Variants in PDZRN3 observed in about 807,000 individuals in gnomAD.
The protein encoded by PDZRN3 is PDZ domain containing ring finger 3, also known as E3 ubiquitin-protein ligase PDZRN3.
PDZRN3 carries 38 observed loss-of-function variants against 85.7 expected under a neutral mutation model. That is an observed-to-expected ratio of 0.44 (90% CI 0.34 to 0.58). The LOEUF (loss-of-function observed/expected upper bound fraction) is 0.58, where lower values mean the gene tolerates loss of function less well. PDZRN3 is among the 20% of genes least tolerant of loss of function. The pLI is 0.01. For missense variants in PDZRN3, 1,629 were observed against 1,506.4 expected, an observed-to-expected ratio of 1.08 and a Z score of -1.35; for synonymous variants, 759 against 638.0, an observed-to-expected ratio of 1.19 and a Z score of -2.86.
Position 73,495,775 on chromosome 3 carries a change from A to G in PDZRN3, c.919-91380T>C, listed in dbSNP as rs571985764. ...ATGATATTGGCAATAGCAAAAATGC[A>G]GTGCCAAAGAAAGTTTATGTAAATG... is the stretch of plus-strand genomic sequence containing the variant. On this transcript the variant is annotated intron_variant, in intron 3 of 9. Coordinates refer to ENST00000263666, the MANE Select transcript of PDZRN3 (RefSeq NM_015009.3). 3.3e-5 allele frequency among the ~76,000 whole-genome samples: 5 copies of G among 152,348 alleles called. No individual in the cohort carries two copies. In the East Asian group the frequency reaches 7.7e-4, roughly 23 times the overall value.
chr3:73,390,866 G>C, intron 6 of PDZRN3, 152 bp downstream of exon 6: 1 of 532,310 alleles, frequency 1.9e-6, no homozygotes, highest in South Asian at 2.9e-5. Context: ...TCCGTGGAAA[G>C]ATGCAGCGCC....
At chr3:73,528,916 A>G (rs200888966) in intron 3 of PDZRN3, among the ~76,000 whole-genome samples, 7 of 151,328 alleles carry the variant, frequency 4.6e-5, no homozygotes, top group East Asian at 1.9e-4. Context: ...ACACACACAC[A>G]CGCACATGCA....
chr3:73,592,426 G>A (rs920124994), intron 3 of PDZRN3, among the ~76,000 whole-genome samples: 3 of 151,902 alleles, frequency 2.0e-5, no homozygotes, highest in South Asian at 2.1e-4. Context: ...GAGTTCTCCC[G>A]ATCCCTGAAA....
intron 3 of PDZRN3, chr3:73,569,448 C>CA: frequency 8.8e-7 from 1 of 1,142,204 alleles, no homozygotes; most frequent in Non-Finnish European, 1.1e-6. Flanking sequence ...TCTCTTAAGC[C>CA]CCGAGGCGTC....
chr3:73,451,098 G>A lies in PDZRN3; in HGVS notation c.919-46703C>T, dbSNP rs540131281. Among the ~76,000 whole-genome samples, 6 of 152,252 alleles carry A rather than the reference G, an allele frequency of 3.9e-5. No homozygotes were observed. In the South Asian group the frequency reaches 1.2e-3, roughly 32 times the overall value. On this transcript the variant is annotated intron_variant, in intron 3 of 9. Transcript: ENST00000263666. ...ACAGTCTTGACATCTCACTTCAGAA[G>A]ACAATGTCAGTGCACTGCTTGCCAG...
chr3:73,521,670 C>T (rs984163123), intron 3 of PDZRN3, among the ~76,000 whole-genome samples: 1 of 152,088 alleles, frequency 6.6e-6, no homozygotes, highest in Non-Finnish European at 1.5e-5. Context: ...TTGCATACTG[C>T]GTTGTAATTA....
At chr3:73,436,588 G>T (rs1702534719) in intron 3 of PDZRN3, among the ~76,000 whole-genome samples, 1 of 151,874 alleles carries the variant, frequency 6.6e-6, no homozygotes, top group African/African-American at 2.4e-5. Flanking sequence ...GTCGAAATGG[G>T]CCTAAGCTAC....
intron 3 of PDZRN3, among the ~76,000 whole-genome samples, chr3:73,459,054 G>T (rs1454259363): frequency 6.6e-6 from 1 of 151,894 alleles, no homozygotes; most frequent in Non-Finnish European, 1.5e-5. Flanking sequence ...TCACAGTTCG[G>T]CATTGCTGGG....
At chr3:73,553,800 C>T (rs1277033480) in intron 3 of PDZRN3, among the ~76,000 whole-genome samples, 1 of 152,138 alleles carries the variant, frequency 6.6e-6, no homozygotes, top group Non-Finnish European at 1.5e-5. Flanking sequence ...CCTACTTCAG[C>T]TCTGGCAAAG....
Position 73,544,908 on chromosome 3 carries a change from C to A in PDZRN3, c.918+57446G>T, listed in dbSNP as rs146185271. The stretch of plus-strand genomic sequence containing the variant: ...GTGAGATTTGATATGAAAACTAAAC[C>A]CAATACTGTGCCTCTTCAAAACCTC... On this transcript the variant is annotated intron_variant, in intron 3 of 9. Coordinates refer to ENST00000263666, the MANE Select transcript of PDZRN3 (RefSeq NM_015009.3). Among the ~76,000 whole-genome samples the A allele has an allele frequency of 5.1e-4, 77 of 152,144 alleles. No individual in the cohort carries two copies. The East Asian group carries it at 0.013, about 26-fold the overall frequency.
intron 3 of PDZRN3, among the ~76,000 whole-genome samples, chr3:73,425,022 T>G (rs1702284075): frequency 6.6e-6 from 1 of 151,728 alleles, no homozygotes; most frequent in Admixed American, 6.6e-5. Context: ...TCAGTATTTT[T>G]TTTTTTTTTT....
At chr3:73,511,592 A>G (rs550985495) in intron 3 of PDZRN3, among the ~76,000 whole-genome samples, 3 of 152,196 alleles carry the variant, frequency 2.0e-5, no homozygotes, top group Non-Finnish European at 4.4e-5. Flanking sequence ...GGAGCCAATG[A>G]GGGGAACAGA....
intron 5 of PDZRN3, 92 bp from the exon 6 acceptor site, chr3:73,391,208 G>A: frequency 3.7e-6 from 3 of 815,308 alleles, no homozygotes; most frequent in African/African-American, 1.7e-5. Flanking sequence ...CTTCAAATGA[G>A]GAACTGGATT....
chr3:73,442,378 G>T (rs570999619), intron 3 of PDZRN3, among the ~76,000 whole-genome samples: 7 of 152,318 alleles, frequency 4.6e-5, no homozygotes, highest in Non-Finnish European at 8.8e-5. Context: ...GCTGCAAGGG[G>T]AGAGACCCTA....
At position 73,587,576 on chromosome 3, in the gene PDZRN3, CA is replaced by C. The variant is rs1461716713; in HGVS notation, c.918+14777del. On this transcript the variant is annotated intron_variant, in intron 3 of 9. Coordinates refer to ENST00000263666, the MANE Select transcript of PDZRN3 (RefSeq NM_015009.3). ...AAAGAGGGATTCCCCAATTTCTGGT[CA>C]GTAACATTAATATTTATCTTCCTGC... Among the ~76,000 whole-genome samples the C allele has an allele frequency of 4.6e-5, 7 of 152,314 alleles. No individual in the cohort carries two copies. The East Asian group carries it at 1.3e-3, about 29-fold the overall frequency.
At chr3:73,393,340 TCTACTACTA>T (rs148277626) in intron 5 of PDZRN3, among the ~76,000 whole-genome samples, 4 of 151,998 alleles carry the variant, frequency 2.6e-5, no homozygotes, top group African/African-American at 4.8e-5. Flanking sequence ...TACTGGACTT[TCTACTACTA>T]CTACTACTAC....
intron 3 of PDZRN3, among the ~76,000 whole-genome samples, chr3:73,580,553 G>T (rs1347609032): frequency 6.6e-6 from 1 of 152,208 alleles, no homozygotes; most frequent in Non-Finnish European, 1.5e-5. Context: ...GTGATCCTGT[G>T]ATGTCACCAG....
intron 3 of PDZRN3, among the ~76,000 whole-genome samples, chr3:73,443,505 G>C (rs1423359632): frequency 7.0e-6 from 1 of 143,186 alleles, no homozygotes; most frequent in Non-Finnish European, 1.5e-5. Context: ...TTTTGGGGGG[G>C]GGACAGCGCT....
At chr3:73,534,517 C>T (rs1418101432) in intron 3 of PDZRN3, among the ~76,000 whole-genome samples, 1 of 152,172 alleles carries the variant, frequency 6.6e-6, no homozygotes, top group Non-Finnish European at 1.5e-5. Context: ...GGAGCAGACT[C>T]ATTCCAGTAG....
Sources: allele counts gnomAD v4.1 joint callset (sites outside exome capture counted in the v4.1 genomes callset), GRCh38; gene constraint gnomAD v4.1.1; transcripts MANE v1.5; gene names NCBI Gene and HGNC (gene_info 2026-07-23, HGNC 2026-07-21).